KCNIP4: variants seen among roughly 807,000 people sequenced by gnomAD.
KCNIP4 encodes the protein Kv channel-interacting protein 4.
In KCNIP4, 12 loss-of-function variants were observed where a neutral mutation model predicts 34.0. The ratio of observed to expected loss-of-function variants is 0.35; its 90% CI spans 0.23 to 0.57. The LOEUF is 0.57. Among genes scored for constraint, KCNIP4 ranks in the 20% least tolerant of loss-of-function variants. The probability of loss-of-function intolerance (pLI) is 0.83; values close to 1 mark genes in which losing one functional copy is unlikely to be tolerated. For missense variants in KCNIP4, 238 were observed against 311.7 expected (o/e 0.76, Z 1.78); for synonymous variants, 124 against 102.2 (o/e 1.21, Z -1.29).
At chr4:21,899,341 AG>A (rs1727578380) in intron 1 of KCNIP4, among the ~76,000 whole-genome samples, 1 of 152,150 alleles carries the variant, frequency 6.6e-6, no homozygotes, top group Non-Finnish European at 1.5e-5. Flanking sequence ...CGCTGAATGG[AG>A]AAAAACTGAA....
chr4:20,797,685 T>A (rs1713659887), intron 3 of KCNIP4, among the ~76,000 whole-genome samples: 1 of 152,110 alleles, frequency 6.6e-6, no homozygotes, highest in African/African-American at 2.4e-5. Context: ...TCTTGTTGGT[T>A]TAAAGGTAGA....
intron 1 of KCNIP4, among the ~76,000 whole-genome samples, chr4:20,977,025 G>A (rs900951686): frequency 1.3e-5 from 2 of 151,934 alleles, no homozygotes; most frequent in Non-Finnish European, 2.9e-5. Context: ...TAGAGATGAA[G>A]TTTCTCCATG....
At chr4:21,073,164 T>TC (rs1745139299) in intron 1 of KCNIP4, among the ~76,000 whole-genome samples, 1 of 152,152 alleles carries the variant, frequency 6.6e-6, no homozygotes, top group Non-Finnish European at 1.5e-5. Context: ...TTAAAGTAGT[T>TC]TTTTCCAATT....
chr4:20,811,559 T>A (rs1308433971), intron 3 of KCNIP4, among the ~76,000 whole-genome samples: 1 of 152,076 alleles, frequency 6.6e-6, no homozygotes, highest in Non-Finnish European at 1.5e-5. Context: ...AAGGGAAAGA[T>A]TTCAAGTTAA....
chr4:20,965,712 A>C (rs1041502535), intron 1 of KCNIP4, among the ~76,000 whole-genome samples: 5 of 152,224 alleles, frequency 3.3e-5, no homozygotes, highest in African/African-American at 1.2e-4. Context: ...TTAGCTAGGC[A>C]GGTCAACTCT....
Position 21,247,340 on chromosome 4 carries a change from T to C in KCNIP4, c.62-364631A>G, listed in dbSNP as rs560387013. Among the ~76,000 whole-genome samples the C allele has an allele frequency of 3.3e-5, 5 of 151,994 alleles. No homozygotes were observed. In the South Asian group the frequency reaches 8.3e-4, roughly 25 times the overall value. ...ATTTAAGACTAGATACTGGGCAAGG[T>C]GTTGTGATTTTGTGAACCAGAAATG... is the stretch of plus-strand genomic sequence containing the variant. On this transcript the variant is annotated intron_variant, in intron 1 of 8. Coordinates refer to ENST00000382152, the MANE Select transcript of KCNIP4 (RefSeq NM_025221.6).
chr4:21,347,399 C>T (rs1222795546), intron 1 of KCNIP4, among the ~76,000 whole-genome samples: 1 of 152,194 alleles, frequency 6.6e-6, no homozygotes, highest in Non-Finnish European at 1.5e-5. Flanking sequence ...GAGGTGAGAG[C>T]TGGGAATTAC....
At chr4:21,657,280 G>C (rs1748037667) in intron 1 of KCNIP4, among the ~76,000 whole-genome samples, 1 of 152,100 alleles carries the variant, frequency 6.6e-6, no homozygotes, top group African/African-American at 2.4e-5. Context: ...CTGTCAGTGA[G>C]CATTAGTGTG....
At chr4:21,840,432 A>G (rs1723607621) in intron 1 of KCNIP4, among the ~76,000 whole-genome samples, 1 of 152,088 alleles carries the variant, frequency 6.6e-6, no homozygotes, top group Non-Finnish European at 1.5e-5. Context: ...CTCTTGCTAA[A>G]TATGCATTTT....
intron 1 of KCNIP4, among the ~76,000 whole-genome samples, chr4:21,821,983 G>A (rs540468580): frequency 2.0e-5 from 3 of 152,010 alleles, no homozygotes; most frequent in African/African-American, 7.2e-5. Flanking sequence ...AAGATGAAGC[G>A]CTAAAGCTAA....
chr4:21,034,846 C>T (rs775018159), intron 1 of KCNIP4, among the ~76,000 whole-genome samples: 1 of 152,162 alleles, frequency 6.6e-6, no homozygotes, highest in Admixed American at 6.5e-5. Context: ...AGTTAGGTAA[C>T]GTGGTGCTTT....
chr4:20,993,882 G>A (rs1390458235), intron 1 of KCNIP4, among the ~76,000 whole-genome samples: 1 of 152,176 alleles, frequency 6.6e-6, no homozygotes, highest in African/African-American at 2.4e-5. Flanking sequence ...GAGGATCTAG[G>A]AGGGAATCAA....
intron 1 of KCNIP4, among the ~76,000 whole-genome samples, chr4:21,457,308 C>T (rs1729035895): frequency 6.6e-6 from 1 of 152,026 alleles, no homozygotes; most frequent in South Asian, 2.1e-4. Flanking sequence ...TTGTTGGCGG[C>T]TTGCTGGCCC....
chr4:21,863,214 G>T (rs1030271825), intron 1 of KCNIP4, among the ~76,000 whole-genome samples: 1 of 150,398 alleles, frequency 6.6e-6, no homozygotes, highest in South Asian at 2.1e-4. Flanking sequence ...GCAGCTTTTG[G>T]TAAGTGTGTT....
chr4:21,440,119 G>T lies in KCNIP4; in HGVS notation c.61+508452C>A, dbSNP rs1291269875. On this transcript the variant is annotated intron_variant, in intron 1 of 8. Transcript: ENST00000382152. The stretch of plus-strand genomic sequence containing the variant: ...TTCAGAACCCTAGCCAAAACAATTA[G>T]GGTGAAGAAAATGGAAACTTTCAAA... Among the ~76,000 whole-genome samples, 4 of 152,158 alleles carry T rather than the reference G, an allele frequency of 2.6e-5. No homozygotes were observed. In the South Asian group the frequency reaches 8.3e-4, roughly 31 times the overall value.
intron 1 of KCNIP4, among the ~76,000 whole-genome samples, chr4:21,622,892 T>C (rs1023473134): frequency 6.6e-6 from 1 of 152,196 alleles, no homozygotes; most frequent in African/African-American, 2.4e-5. Flanking sequence ...TTATATTTCT[T>C]CTGCCATCAC....
chr4:20,991,251 G>A (rs756505284), intron 1 of KCNIP4, among the ~76,000 whole-genome samples: 10 of 152,256 alleles, frequency 6.6e-5, no homozygotes, highest in Admixed American at 2.6e-4. Flanking sequence ...TTTAAAATGC[G>A]AATGACCTTC....
At chr4:21,034,055 A>C (rs1741241039) in intron 1 of KCNIP4, among the ~76,000 whole-genome samples, 1 of 152,228 alleles carries the variant, frequency 6.6e-6, no homozygotes, top group African/African-American at 2.4e-5. Context: ...AATATTTTAA[A>C]TATTTGCAAA....
intron 1 of KCNIP4, among the ~76,000 whole-genome samples, chr4:21,807,950 A>C (rs1721403287): frequency 6.6e-6 from 1 of 152,224 alleles, no homozygotes; most frequent in Non-Finnish European, 1.5e-5. Flanking sequence ...TATTTCCCTA[A>C]AAGCTAGGTT....
Sources: allele counts gnomAD v4.1 joint callset (sites outside exome capture counted in the v4.1 genomes callset), GRCh38; gene constraint gnomAD v4.1.1; transcripts MANE v1.5; gene names NCBI Gene and HGNC (gene_info 2026-07-23, HGNC 2026-07-21).